The following ANO1 variants were observed in gnomAD, a reference collection of about 807,000 sequenced individuals.
The protein encoded by ANO1 is anoctamin 1.
Under a neutral mutation model 124.0 loss-of-function variants are expected in ANO1, and 59 were observed. The observed-to-expected ratio is 0.48, with a 90% confidence interval of 0.39 to 0.59. The LOEUF is 0.59. ANO1 is among the 20% of genes least tolerant of loss of function. ANO1 has a pLI of 0.00. For missense variants in ANO1, 1,059 were observed against 1,328.0 expected (o/e 0.80, Z 3.15); for synonymous variants, 529 against 532.0 (o/e 0.99, Z 0.08).
chr11:70,081,155 A>G (rs2044189448), intron 1 of ANO1, among the ~76,000 whole-genome samples: 1 of 152,218 alleles, frequency 6.6e-6, no homozygotes, highest in South Asian at 2.1e-4. Flanking sequence ...CAAGGGTGGA[A>G]ATGACTTCAT....
chr11:70,024,409 T>C (rs782632414), intron 1 of ANO1, among the ~76,000 whole-genome samples: 8 of 151,374 alleles, frequency 5.3e-5, no homozygotes, highest in African/African-American at 1.9e-4. Flanking sequence ...AGGGAGGGAG[T>C]GAGTGCCGGG....
At chr11:70,049,905 G>A (rs1245941196) in intron 1 of ANO1, among the ~76,000 whole-genome samples, 1 of 152,184 alleles carries the variant, frequency 6.6e-6, no homozygotes, top group African/African-American at 2.4e-5. Flanking sequence ...ATTTTTAGTA[G>A]AGACAGGGTT....
At chr11:70,170,173 TC>T in intron 21 of ANO1, 1 of 455,406 alleles carries the variant, frequency 2.2e-6, no homozygotes, top group South Asian at 1.6e-5. Context: ...TGCAGGCAGG[TC>T]CCCCAGGTCC....
At chr11:70,121,841 GTCTC>G (rs2046293371) in intron 8 of ANO1, among the ~76,000 whole-genome samples, 1 of 39,604 alleles carries the variant, frequency 2.5e-5, no homozygotes, top group African/African-American at 1.0e-4. Context: ...CTCTCTGTCT[GTCTC>G]TCTATCTCTG....
the ANO1 span, among the ~76,000 whole-genome samples, chr11:69,975,201 G>A: frequency 6.6e-6 from 1 of 152,222 alleles, no homozygotes; most frequent in African/African-American, 2.4e-5. Context: ...CCATGTCCAT[G>A]TTGTCCAGTT....
the ANO1 span, among the ~76,000 whole-genome samples, chr11:69,969,467 A>AT: frequency 6.6e-6 from 1 of 152,122 alleles, no homozygotes; most frequent in South Asian, 2.1e-4. Flanking sequence ...TTCTCTGGTG[A>AT]TGTTCACGGT....
At chr11:69,980,162 G>C in the ANO1 span, among the ~76,000 whole-genome samples, 1 of 152,224 alleles carries the variant, frequency 6.6e-6, no homozygotes, top group Non-Finnish European at 1.5e-5. Flanking sequence ...ACTGAAAGAG[G>C]CCAGTCCCAA....
intron 25 of ANO1, among the ~76,000 whole-genome samples, chr11:70,187,420 C>T (rs1432034400): frequency 6.6e-6 from 1 of 152,102 alleles, no homozygotes; most frequent in African/African-American, 2.4e-5. Flanking sequence ...CCCAAAGGCT[C>T]GATGCTCGTT....
chr11:70,141,598 A>C (rs1034093560), intron 11 of ANO1: 2 of 152,230 alleles, frequency 1.3e-5, no homozygotes, highest in Non-Finnish European at 2.9e-5. Flanking sequence ...GCTTATTCTA[A>C]ATCAAGACAG....
chr11:70,076,093 C>T (rs2044053045), upstream of ANO1, among the ~76,000 whole-genome samples: 1 of 152,156 alleles, frequency 6.6e-6, no homozygotes, highest in African/African-American at 2.4e-5. Context: ...ACACTGTCCA[C>T]CTGGGAAGAC....
At chr11:70,090,004 T>A (rs2044561313) in intron 2 of ANO1, among the ~76,000 whole-genome samples, 1 of 147,716 alleles carries the variant, frequency 6.8e-6, no homozygotes, top group East Asian at 2.0e-4. Flanking sequence ...TGTTTGTTTG[T>A]TTGTTTGTTT....
intron 7 of ANO1, 74 bp downstream of exon 7, chr11:70,111,836 G>T (rs2135408812): frequency 1.4e-6 from 2 of 1,444,456 alleles, no homozygotes; most frequent in Admixed American, 3.4e-5. Context: ...CACCCCCCCG[G>T]GAGCTGCAAT....
chr11:70,061,505 T>C (rs1857577589), intron 1 of ANO1, among the ~76,000 whole-genome samples: 1 of 142,388 alleles, frequency 7.0e-6, no homozygotes. Context: ...TTTCTCTCTC[T>C]CTCCCCTCCT....
intron 1 of ANO1, among the ~76,000 whole-genome samples, chr11:69,994,435 G>T (rs1355144528): frequency 6.6e-6 from 1 of 152,064 alleles, no homozygotes; most frequent in Non-Finnish European, 1.5e-5. Flanking sequence ...TAAATGAATG[G>T]ATAGAGAGAT....
At chr11:70,110,482 G>A (rs1271217319) in intron 6 of ANO1, among the ~76,000 whole-genome samples, 2 of 152,008 alleles carry the variant, frequency 1.3e-5, no homozygotes, top group Non-Finnish European at 1.5e-5. Context: ...CACTGTGCCG[G>A]GCCCCCATGT....
intron 7 of ANO1, among the ~76,000 whole-genome samples, chr11:70,112,867 C>G (rs576669445): frequency 2.1e-3 from 319 of 152,254 alleles, no homozygotes; most frequent in Non-Finnish European, 3.0e-3. Context: ...CCTAATTCCT[C>G]TCTTCTTGAG....
intron 8 of ANO1, among the ~76,000 whole-genome samples, chr11:70,123,314 T>TG (rs2135477086): frequency 6.6e-6 from 1 of 152,154 alleles, no homozygotes; most frequent in East Asian, 1.9e-4. Context: ...TGAGTTTGGG[T>TG]GGGGGCAGCC....
chr11:70,154,731 G>C (rs2047739328), intron 14 of ANO1, among the ~76,000 whole-genome samples: 1 of 152,124 alleles, frequency 6.6e-6, no homozygotes, highest in Non-Finnish European at 1.5e-5. Context: ...GTCTCCCAAA[G>C]TGCTGGGATT....
At chr11:70,151,918 G>A (rs895111467) in intron 12 of ANO1, among the ~76,000 whole-genome samples, 3 of 152,118 alleles carry the variant, frequency 2.0e-5, no homozygotes, top group Non-Finnish European at 2.9e-5. Context: ...CATGGGAAAG[G>A]CCACAGCTAC....
Sources: allele counts gnomAD v4.1 joint callset (sites outside exome capture counted in the v4.1 genomes callset), GRCh38; gene constraint gnomAD v4.1.1; transcripts MANE v1.5; gene names NCBI Gene and HGNC (gene_info 2026-07-23, HGNC 2026-07-21).